Variants in WDFY3 observed in about 807,000 individuals in gnomAD.
WDFY3 encodes the protein WD repeat and FYVE domain-containing protein 3.
A neutral mutation model predicts 409.6 loss-of-function variants in WDFY3; 66 were observed. The observed-to-expected ratio is 0.16, with a 90% CI of 0.13 to 0.20. The LOEUF is 0.20. Ranked by LOEUF, WDFY3 falls within the 10% of genes least tolerant of loss-of-function variation. The pLI is 1.00. For synonymous variants in WDFY3, 1,521 were observed against 1,537.1 expected (o/e 0.99, Z 0.25); for missense variants, 3,031 against 4,298.1 (o/e 0.71, Z 8.24).
At chr4:84,680,668 G>C (rs1010692276) in intron 64 of WDFY3, among the ~76,000 whole-genome samples, 1 of 152,114 alleles carries the variant, frequency 6.6e-6, no homozygotes, top group African/African-American at 2.4e-5. Context: ...GAAAATATTT[G>C]GGGAAATAAA....
At chr4:84,725,902 G>C (rs1248852099) in intron 45 of WDFY3, among the ~76,000 whole-genome samples, 1 of 152,090 alleles carries the variant, frequency 6.6e-6, no homozygotes, top group East Asian at 1.9e-4. Flanking sequence ...TTCAGGTACA[G>C]AGCAAGGAAA....
chr4:84,905,290 C>G (rs1278500440), intron 2 of WDFY3, among the ~76,000 whole-genome samples: 4 of 152,200 alleles, frequency 2.6e-5, no homozygotes, highest in Non-Finnish European at 4.4e-5. Flanking sequence ...GAGCCAAGAT[C>G]ATGCCACTGC....
At chr4:84,840,585 A>G (rs1430945646) in intron 6 of WDFY3, among the ~76,000 whole-genome samples, 1 of 151,834 alleles carries the variant, frequency 6.6e-6, no homozygotes, top group African/African-American at 2.4e-5. Flanking sequence ...GGTATCATTA[A>G]AATAATTTTT....
intron 25 of WDFY3, among the ~76,000 whole-genome samples, chr4:84,782,580 C>T (rs1312209679): frequency 6.6e-6 from 1 of 152,144 alleles, no homozygotes. Flanking sequence ...ATGTTCCCGT[C>T]CCTGTGTCCG....
intron 26 of WDFY3, among the ~76,000 whole-genome samples, chr4:84,779,070 A>G (rs926419891): frequency 6.6e-6 from 1 of 151,944 alleles, no homozygotes; most frequent in African/African-American, 2.4e-5. Flanking sequence ...TTTTTGCAAC[A>G]CGGTCTTAAT....
At chr4:84,937,221 T>C (rs1391551734) in intron 1 of WDFY3, among the ~76,000 whole-genome samples, 1 of 152,162 alleles carries the variant, frequency 6.6e-6, no homozygotes, top group Non-Finnish European at 1.5e-5. Context: ...CAAAGGCCTA[T>C]TAGTTCTCAT....
At chr4:84,816,923 T>C (rs935035948) in intron 13 of WDFY3, among the ~76,000 whole-genome samples, 5 of 152,262 alleles carry the variant, frequency 3.3e-5, no homozygotes, top group African/African-American at 1.2e-4. Flanking sequence ...ACTTAATTTA[T>C]AGTATTACTA....
chr4:84,762,727 T>A (rs1166287141), intron 32 of WDFY3, among the ~76,000 whole-genome samples: 1 of 152,184 alleles, frequency 6.6e-6, no homozygotes, highest in Non-Finnish European at 1.5e-5. Flanking sequence ...TTAATGAAAC[T>A]GCCACATTTC....
intron 58 of WDFY3, among the ~76,000 whole-genome samples, chr4:84,693,620 G>A (rs1385603718): frequency 6.6e-6 from 1 of 152,154 alleles, no homozygotes; most frequent in African/African-American, 2.4e-5. Flanking sequence ...ATTAATGGCT[G>A]GGTGAGGTGG....
chr4:84,722,219 C>G (rs943335473), intron 46 of WDFY3, among the ~76,000 whole-genome samples: 1 of 152,052 alleles, frequency 6.6e-6, no homozygotes, highest in African/African-American at 2.4e-5. Context: ...AAAACCCCGT[C>G]TCTACTAAAA....
intron 64 of WDFY3, 67 bp from the exon 65 acceptor site, chr4:84,679,309 T>C (rs909153813): frequency 7.1e-7 from 1 of 1,407,028 alleles, no homozygotes; most frequent in African/African-American, 1.4e-5. Context: ...TTTGTTCTGC[T>C]AGTATTTTTT....
intron 3 of WDFY3, among the ~76,000 whole-genome samples, chr4:84,876,210 C>A (rs184689419): frequency 6.6e-6 from 1 of 152,198 alleles, no homozygotes; most frequent in Non-Finnish European, 1.5e-5. Flanking sequence ...AATTTCCCAG[C>A]CTCATTATAG....
At position 84,817,459 on chromosome 4, in the gene WDFY3, C is replaced by A; in HGVS notation, c.1820G>T (p.Gly607Val). ...VLSPNGDDDM[G>V]TLLGLMHSAP... ...TGAATGCATTAGCCCCAGGAGAGTG[C>A]CCATGTCATCGTCCCCATTTGGGGA... The change falls in exon 13 of 68, where the codon GGC becomes GTC. Residue 607 changes from glycine to valine, a missense_variant. Physicochemically the swap from Gly to Val is moderately radical, Grantham distance 109. Transcript: ENST00000295888. 1 of 1,613,764 alleles carries A rather than the reference C, an allele frequency of 6.2e-7. No individual in the cohort carries two copies. Among genetic ancestry groups the A allele is most frequent in the Non-Finnish European group, 8.5e-7 (1 of 1,179,788 alleles).
intron 10 of WDFY3, among the ~76,000 whole-genome samples, chr4:84,822,890 GTCTA>G (rs1156728346): frequency 6.6e-6 from 1 of 151,990 alleles, no homozygotes; most frequent in Non-Finnish European, 1.5e-5. Flanking sequence ...GTGTCTATCA[GTCTA>G]TCTAAGTTTG....
intron 67 of WDFY3, among the ~76,000 whole-genome samples, chr4:84,674,256 C>T (rs185862875): frequency 2.6e-5 from 4 of 152,242 alleles, no homozygotes; most frequent in Non-Finnish European, 5.9e-5. Context: ...AGCATACATA[C>T]GGGAGTGCTA....
At chr4:84,716,640 T>C (rs1408206685) in intron 49 of WDFY3, among the ~76,000 whole-genome samples, 1 of 140,912 alleles carries the variant, frequency 7.1e-6, no homozygotes, top group African/African-American at 2.7e-5. Context: ...ACTAAAAAAA[T>C]ACAAAAAAAT....
chr4:84,726,746 T>C lies in WDFY3; in HGVS notation c.7272+115A>G. 4 of 898,546 alleles carry C rather than the reference T, an allele frequency of 4.5e-6. No individual in the cohort carries two copies. The South Asian group carries it at 5.6e-5, about 13-fold the overall frequency. 55.7% of individuals were successfully genotyped at this position (898,546 alleles called of 1,614,324 possible). ...CTAAGGAACTTATAGGAAGAACAAA[T>C]TGAAAGCCAATCTTTTAAGTTAGTC... On this transcript the variant is annotated intron_variant, in intron 45 of 67. Transcript: ENST00000295888.
rs546376708 is a variant in WDFY3 at position 84,794,911 on chromosome 4, A to G, written c.3236T>C (p.Ile1079Thr). The change falls in exon 20 of 68, where the codon ATT becomes ACT. Residue 1079 changes from isoleucine to threonine, a missense_variant. Around this residue, in one of 16 missense-constraint regions of WDFY3, gnomAD observed 1,322 missense variants for 1,697.9 expected, o/e 0.78. Transcript: ENST00000295888. ...PTNNTVTTGLIDGAVVSGIGS... is the reference protein window; with the variant it reads ...PTNNTVTTGLTDGAVVSGIGS... ...AATGCCACTGACCACAGCCCCATCA[A>G]TAAGACCTGTTGTGACGGTATTATT... The G allele has an allele frequency of 5.7e-6, 9 of 1,581,630 alleles. No individual in the cohort carries two copies. The South Asian group carries it at 6.0e-5, about 11-fold the overall frequency.
chr4:84,778,137 A>G (rs1745872043), intron 27 of WDFY3, among the ~76,000 whole-genome samples: 1 of 152,134 alleles, frequency 6.6e-6, no homozygotes, highest in Non-Finnish European at 1.5e-5. Flanking sequence ...AAAATGAATG[A>G]TATTTTACCA....
Sources: allele counts gnomAD v4.1 joint callset (sites outside exome capture counted in the v4.1 genomes callset), GRCh38; gene constraint gnomAD v4.1.1; regional missense constraint gnomAD v4.1.1; transcripts MANE v1.5; gene names NCBI Gene and HGNC (gene_info 2026-07-23, HGNC 2026-07-21).